The following SEMA3E variants were observed in gnomAD, a reference collection of about 807,000 sequenced individuals.
SEMA3E encodes the protein semaphorin 3E, also known as semaphorin-3E.
SEMA3E carries 49 observed loss-of-function variants against 93.6 expected under a neutral mutation model. The observed-to-expected ratio is 0.52, with a 90% confidence interval of 0.42 to 0.66. The LOEUF is 0.66. Among genes scored for constraint, SEMA3E ranks in the 30% least tolerant of loss-of-function variants. The probability of loss-of-function intolerance (pLI) is 0.00; values close to 1 mark genes in which losing one functional copy is unlikely to be tolerated. For synonymous variants in SEMA3E, 363 were observed against 330.7 expected (o/e 1.10, Z -1.06); for missense variants, 906 against 964.8 (o/e 0.94, Z 0.81).
At chr7:83,424,306 C>T (rs1320329291) in intron 4 of SEMA3E, among the ~76,000 whole-genome samples, 1 of 152,082 alleles carries the variant, frequency 6.6e-6, no homozygotes, top group Non-Finnish European at 1.5e-5. Context: ...ACTATAATTC[C>T]TCTGTCTAAT....
At chr7:83,500,705 G>C (rs981261074) in intron 1 of SEMA3E, among the ~76,000 whole-genome samples, 2 of 143,342 alleles carry the variant, frequency 1.4e-5, no homozygotes, top group Admixed American at 7.5e-5. Context: ...CGATTCTCCT[G>C]CCTCAGCCTC....
intron 9 of SEMA3E, among the ~76,000 whole-genome samples, chr7:83,404,005 T>C (rs963300252): frequency 4.6e-5 from 7 of 151,926 alleles, no homozygotes; most frequent in Admixed American, 1.3e-4. Context: ...TTTAGGAAAA[T>C]AGCTTATAAT....
intron 1 of SEMA3E, among the ~76,000 whole-genome samples, chr7:83,505,588 G>C (rs1790685250): frequency 6.6e-6 from 1 of 152,070 alleles, no homozygotes; most frequent in African/African-American, 2.4e-5. Context: ...CTCTAGTTGG[G>C]AAAAGAATAA....
intron 1 of SEMA3E, among the ~76,000 whole-genome samples, chr7:83,593,773 A>T (rs772467481): frequency 5.9e-5 from 9 of 152,016 alleles, no homozygotes; most frequent in Non-Finnish European, 1.2e-4. Context: ...TAGAGATAAA[A>T]GAGAGTTCGG....
intron 4 of SEMA3E, among the ~76,000 whole-genome samples, chr7:83,462,656 A>C (rs1789652520): frequency 1.3e-5 from 2 of 151,662 alleles, no homozygotes; most frequent in Admixed American, 6.6e-5. Flanking sequence ...CCAATATCCC[A>C]TCCCGCAGCA....
intron 1 of SEMA3E, among the ~76,000 whole-genome samples, chr7:83,518,316 A>AG (rs1284023563): frequency 6.6e-6 from 1 of 151,754 alleles, no homozygotes. Flanking sequence ...TCATTAGCTC[A>AG]GAAAAAAAAA....
At chr7:83,599,552 A>AT (rs1792941239) in intron 1 of SEMA3E, among the ~76,000 whole-genome samples, 1 of 152,222 alleles carries the variant, frequency 6.6e-6, no homozygotes, top group East Asian at 1.9e-4. Flanking sequence ...TTTTGTTAAC[A>AT]TAAGTATGAA....
intron 16 of SEMA3E, among the ~76,000 whole-genome samples, chr7:83,377,263 C>CT (rs1034582965): frequency 6.6e-6 from 1 of 151,912 alleles, no homozygotes; most frequent in Non-Finnish European, 1.5e-5. Flanking sequence ...CACAAAAAGA[C>CT]TTTTTCCCCC....
chr7:83,495,812 T>C (rs1790479591), intron 1 of SEMA3E, among the ~76,000 whole-genome samples: 1 of 151,942 alleles, frequency 6.6e-6, no homozygotes, highest in Non-Finnish European at 1.5e-5. Flanking sequence ...AAAATAAGAA[T>C]TCAGGCTCTT....
rs1455362336 is a variant in SEMA3E, at chr7:83,364,236, T to C, written c.*3350A>G. 6.6e-6 allele frequency: 1 copy of C among 152,206 alleles called. No homozygotes were observed. Among genetic ancestry groups the C allele is most frequent in the Non-Finnish European group, 1.5e-5 (1 of 68,038 alleles). The allele number at this position is 152,206 out of a possible 1,614,324, so 9.4% of individuals were successfully genotyped here. A position where few individuals can be genotyped will look rare whatever the true frequency, so the allele number is the denominator to read the frequency against. On this transcript the variant is annotated 3_prime_UTR_variant, in exon 17 of 17. Coordinates refer to ENST00000643230, the MANE Select transcript of SEMA3E (RefSeq NM_012431.3). ...AGGACAACAGCTGCTGTTTGTTTCA[T>C]GCTTAACACCAACACTCAAAATGAC...
chr7:83,452,753 T>C (rs1055910948), intron 4 of SEMA3E, among the ~76,000 whole-genome samples: 1 of 152,170 alleles, frequency 6.6e-6, no homozygotes, highest in Non-Finnish European at 1.5e-5. Flanking sequence ...GAAGGAACAA[T>C]CCCTCTATTC....
chr7:83,552,813 G>A lies in SEMA3E; in HGVS notation c.116-62539C>T, dbSNP rs548558186. Among the ~76,000 whole-genome samples, 6 of 152,198 alleles carry A rather than the reference G, an allele frequency of 3.9e-5. No individual in the cohort carries two copies. The South Asian group carries it at 1.2e-3, about 32-fold the overall frequency. On this transcript the variant is annotated intron_variant, in intron 1 of 16. Coordinates refer to ENST00000643230, the MANE Select transcript of SEMA3E (RefSeq NM_012431.3). ...GACTGGTTCTCTGCTCTTGAACCCT[G>A]TTTTCTGTTATTTAAGATATTTATC...
intron 4 of SEMA3E, among the ~76,000 whole-genome samples, chr7:83,465,278 C>T (rs1178356907): frequency 3.3e-5 from 5 of 152,048 alleles, no homozygotes; most frequent in African/African-American, 4.8e-5. Context: ...TATCTCCCTT[C>T]GCTGACTCTC....
intron 1 of SEMA3E, among the ~76,000 whole-genome samples, chr7:83,632,674 CA>C (rs1318727524): frequency 2.0e-5 from 3 of 152,090 alleles, no homozygotes; most frequent in African/African-American, 4.8e-5. Context: ...AGTTTATCAG[CA>C]GGATGAAAAT....
intron 1 of SEMA3E, among the ~76,000 whole-genome samples, chr7:83,544,135 T>C (rs992322482): frequency 2.6e-5 from 4 of 152,128 alleles, no homozygotes; most frequent in Non-Finnish European, 5.9e-5. Flanking sequence ...ACCTGTATCA[T>C]TGCCCAGTAG....
In SEMA3E at chr7:83,403,175, C is replaced by T. The variant is rs150656763; in HGVS notation, c.999-399G>A. Among the ~76,000 whole-genome samples the T allele has an allele frequency of 2.8e-3, 426 of 151,956 alleles. 2 individuals are homozygous for T. The highest frequency in any genetic ancestry group is 8.4e-3 in the African/African-American group (349 of 41,506). ...GTTCTATTTTCAAAGTAGACAGTGTCCTCTTACTCACTATGCTGTTAATAT... is the reference window on the plus strand; with the variant it reads ...GTTCTATTTTCAAAGTAGACAGTGTTCTCTTACTCACTATGCTGTTAATAT... On this transcript the variant is annotated intron_variant, in intron 9 of 16. Coordinates refer to ENST00000643230, the MANE Select transcript of SEMA3E (RefSeq NM_012431.3).
chr7:83,578,648 A>G (rs1792457740), intron 1 of SEMA3E, among the ~76,000 whole-genome samples: 1 of 152,182 alleles, frequency 6.6e-6, no homozygotes, highest in Admixed American at 6.6e-5. Flanking sequence ...TCATAAAACA[A>G]ATGGTAGAAA....
rs554022969 is a variant in SEMA3E at position 83,474,110 on chromosome 7, A to G, written c.277-4808T>C. Among the ~76,000 whole-genome samples, 363 of 151,554 alleles carry G rather than the reference A, an allele frequency of 2.4e-3. 1 individual carries two copies. Among genetic ancestry groups the G allele is most frequent in the Admixed American group, 4.0e-3 (61 of 15,194 alleles). On this transcript the variant is annotated intron_variant, in intron 2 of 16. Coordinates refer to ENST00000643230, the MANE Select transcript of SEMA3E (RefSeq NM_012431.3). Reference sequence around the variant, plus strand: ...CTATCTCAATTAAAAAAAAAAAAAAAAAAAAAGAAAAATAAGACGTATGCT... The same window carrying G: ...CTATCTCAATTAAAAAAAAAAAAAAGAAAAAAGAAAAATAAGACGTATGCT...
rs951255591 is a variant in SEMA3E, at chr7:83,458,832, AATAT to A, written c.456+7646_456+7649del. 6.1e-5 allele frequency among the ~76,000 whole-genome samples: 9 copies of A among 148,614 alleles called. No homozygotes were observed. In the East Asian group the frequency reaches 1.2e-3, roughly 19 times the overall value. On this transcript the variant is annotated intron_variant, in intron 4 of 16. Transcript: ENST00000643230. ...TAGATCAATGCCTAGAAGTCTAATA[AATAT>A]ATATATTTTTCTTTTTTGTTATATA...
Sources: allele counts gnomAD v4.1 joint callset (sites outside exome capture counted in the v4.1 genomes callset), GRCh38; gene constraint gnomAD v4.1.1; transcripts MANE v1.5; gene names NCBI Gene and HGNC (gene_info 2026-07-23, HGNC 2026-07-21).